Variants in LRTM3 observed in about 807,000 individuals in gnomAD.
The protein encoded by LRTM3 is leucine-rich repeat transmembrane protein 3.
At chr13:102,740,094 A>T in the LRTM3 span, 1 of 1,549,280 alleles carries the variant, frequency 6.5e-7, no homozygotes, top group Non-Finnish European at 8.7e-7. Context: ...ATAGGCAGAC[A>T]TACTTCTTTT....
the LRTM3 span, chr13:102,741,418 C>G: frequency 2.6e-6 from 4 of 1,550,122 alleles, no homozygotes; most frequent in Non-Finnish European, 3.5e-6. Context: ...TGTGCTGTAC[C>G]TCTGAATTTG....
chr13:102,734,945 G>A, the LRTM3 span: 2 of 1,551,078 alleles, frequency 1.3e-6, no homozygotes, highest in Non-Finnish European at 1.7e-6. Flanking sequence ...ACCAGCAATT[G>A]GCCTTATACA....
the LRTM3 span, chr13:102,743,862 G>C: frequency 6.4e-7 from 1 of 1,550,416 alleles, no homozygotes. Context: ...GTGTTCCTCT[G>C]GTTTTTAGAG....
the LRTM3 span, chr13:102,745,750 A>G: frequency 6.4e-7 from 1 of 1,551,218 alleles, no homozygotes; most frequent in Non-Finnish European, 8.7e-7. Context: ...CTTCTCTTGC[A>G]TAAAATATGA....
At chr13:102,729,693 C>T in the LRTM3 span, 8 of 1,551,650 alleles carry the variant, frequency 5.2e-6, no homozygotes, top group Middle Eastern at 1.7e-4. Flanking sequence ...AAGTTGATAT[C>T]GTCATGATGA....
chr13:102,737,620 C>T, the LRTM3 span: 1 of 1,550,546 alleles, frequency 6.4e-7, no homozygotes. Context: ...TCTTTCCTTT[C>T]AGATCTTTGT....
the LRTM3 span, chr13:102,735,360 C>A: frequency 1.9e-6 from 3 of 1,551,364 alleles, no homozygotes; most frequent in African/African-American, 1.4e-5. Context: ...ATTCTCCCTG[C>A]ATCTGATGAT....
At chr13:102,740,601 C>T in the LRTM3 span, 2 of 1,548,930 alleles carry the variant, frequency 1.3e-6, no homozygotes, top group Non-Finnish European at 1.7e-6. Context: ...ATTTGTTTCA[C>T]TGCTTCTCTT....
the LRTM3 span, chr13:102,746,553 C>T: frequency 6.4e-7 from 1 of 1,551,002 alleles, no homozygotes; most frequent in South Asian, 1.2e-5. Context: ...TGGCTTGTGA[C>T]ACTGACTGTC....
At chr13:102,736,838 A>G in the LRTM3 span, 1 of 1,551,132 alleles carries the variant, frequency 6.4e-7, no homozygotes, top group Non-Finnish European at 8.7e-7. Flanking sequence ...ATCACCTGTG[A>G]TATCATTCAA....
At chr13:102,742,972 GT>G in the LRTM3 span, 1 of 1,540,370 alleles carries the variant, frequency 6.5e-7, no homozygotes, top group Non-Finnish European at 8.8e-7. Flanking sequence ...TTCCATTTTT[GT>G]TTTTTTCTAT....
the LRTM3 span, chr13:102,737,136 T>C: frequency 1.3e-6 from 2 of 1,551,008 alleles, no homozygotes; most frequent in African/African-American, 2.7e-5. Context: ...GCCTCAAAAA[T>C]TGTGCCTTCA....
At chr13:102,758,532 A>T in the LRTM3 span, 1 of 1,545,036 alleles carries the variant, frequency 6.5e-7, no homozygotes, top group Admixed American at 2.0e-5. Context: ...GTGAAATTGT[A>T]TAATACTTAC....
the LRTM3 span, chr13:102,737,578 A>G: frequency 3.2e-6 from 5 of 1,550,196 alleles, no homozygotes; most frequent in Middle Eastern, 1.7e-4. Flanking sequence ...CTGGCTCTTT[A>G]GGATTCAGTG....
At chr13:102,739,866 T>C in the LRTM3 span, 1 of 1,550,160 alleles carries the variant, frequency 6.5e-7, no homozygotes, top group Non-Finnish European at 8.7e-7. Context: ...TGTTTCACAT[T>C]GACCATTTTG....
At chr13:102,749,159 A>G in the LRTM3 span, 1 of 1,550,594 alleles carries the variant, frequency 6.4e-7, no homozygotes, top group East Asian at 2.4e-5. Flanking sequence ...CCTATTTTTT[A>G]AAGTGTGACA....
the LRTM3 span, chr13:102,732,075 G>T: frequency 7.1e-6 from 11 of 1,551,296 alleles, no homozygotes; most frequent in South Asian, 1.2e-4. Context: ...GCAAAGGGCT[G>T]GGGATCTTGT....
chr13:102,745,539 T>C, the LRTM3 span: 5 of 1,551,096 alleles, frequency 3.2e-6, no homozygotes, highest in Admixed American at 7.8e-5. Context: ...ATATTGAGCA[T>C]GTATGAAATT....
the LRTM3 span, chr13:102,734,572 TA>T: frequency 4.5e-6 from 7 of 1,551,138 alleles, no homozygotes; most frequent in East Asian, 2.4e-5. Flanking sequence ...TCATATCGAT[TA>T]TTTTTTTTTG....
Sources: allele counts gnomAD v4.1 joint callset, GRCh38; gene constraint gnomAD v4.1.1; transcripts MANE v1.5; gene names NCBI Gene and HGNC (gene_info 2026-07-23, HGNC 2026-07-21).